The following GMFG variants were observed in gnomAD, a reference collection of about 807,000 sequenced individuals.
GMFG encodes glia maturation factor gamma.
In GMFG, 21 loss-of-function variants were observed where a neutral mutation model predicts 26.1. The observed-to-expected ratio is 0.80, with a 90% CI of 0.57 to 1.16. The LOEUF is 1.16. GMFG is among the 50% of genes most tolerant of loss of function. The probability of loss-of-function intolerance (pLI) is 0.00; values close to 1 mark genes in which losing one functional copy is unlikely to be tolerated. For synonymous variants in GMFG, 65 were observed against 60.8 expected, an observed-to-expected ratio of 1.07 and a Z score of -0.32; for missense variants, 161 against 178.3, an observed-to-expected ratio of 0.90 and a Z score of 0.55.
intron 4 of GMFG, among the ~76,000 whole-genome samples, chr19:39,331,380 C>G (rs533562932): frequency 6.6e-6 from 1 of 152,216 alleles, no homozygotes; most frequent in Admixed American, 6.5e-5. Flanking sequence ...TGACCGTTAA[C>G]CCCCATGTGT....
intron 5 of GMFG, 62 bp from the exon 6 acceptor site, chr19:39,329,135 A>G: frequency 1.7e-6 from 2 of 1,172,374 alleles, no homozygotes; most frequent in Non-Finnish European, 2.6e-6. Flanking sequence ...CTAAAGCTCT[A>G]GTAATGTCCT....
chr19:39,334,507 A>ATCC (rs1184785343), intron 3 of GMFG, among the ~76,000 whole-genome samples: 1 of 152,132 alleles, frequency 6.6e-6, no homozygotes, highest in African/African-American at 2.4e-5. Context: ...GGCTCAAGTG[A>ATCC]TCCTCCTGCC....
intron 4 of GMFG, among the ~76,000 whole-genome samples, chr19:39,330,593 T>C (rs1436288609): frequency 6.9e-6 from 1 of 145,334 alleles, no homozygotes; most frequent in African/African-American, 2.7e-5. Flanking sequence ...CATGCCCAGC[T>C]AATTTTTTTT....
intron 3 of GMFG, 36 bp from the exon 4 acceptor site, chr19:39,333,162 AG>A: frequency 6.9e-7 from 1 of 1,445,228 alleles, no homozygotes; most frequent in Non-Finnish European, 9.5e-7. Context: ...ACAAAGAATG[AG>A]GCAGGGCGCA....
rs775463657 is a variant in GMFG, at chr19:39,336,028, C to T, written c.-52G>A. On this transcript the variant is annotated 5_prime_UTR_variant, in exon 1 of 7. Coordinates refer to ENST00000597595, the MANE Select transcript of GMFG (RefSeq NM_004877.4). ...TTTCTTAGTTCCGCTGTCTTCTAGG[C>T]GTGGGGACCGGGGCTGTAGGGGGGC... 10 of 1,537,868 alleles carry T rather than the reference C, an allele frequency of 6.5e-6. No individual in the cohort carries two copies. The highest frequency in any genetic ancestry group is 5.0e-5 in the Admixed American group (3 of 59,748).
At position 39,329,044 on chromosome 19, in the gene GMFG, CA is replaced by C. The variant is rs756481613; in HGVS notation, c.312del (p.Tyr104Ter). On this transcript the variant is annotated frameshift_variant, in exon 6 of 7. Coordinates refer to ENST00000597595, the MANE Select transcript of GMFG (RefSeq NM_004877.4). LOFTEE classifies it high-confidence loss of function. ...TGCACCAGCCTGTTTTTACTCCCTG[CA>C]TACATCATCTGTTGTTCCGGCTTGC... is the stretch of plus-strand genomic sequence containing the variant. ...VGCKPEQQMM[Y>X]AGSKNRLVQT... 6.2e-7 allele frequency: 1 copy of C among 1,613,692 alleles called. No homozygotes were observed. Among genetic ancestry groups the C allele is most frequent in the Non-Finnish European group, 8.5e-7 (1 of 1,179,596 alleles).
At position 39,328,487 on chromosome 19, in the gene GMFG, A is replaced by C. The variant is rs2075212322; in HGVS notation, c.419T>G (p.Phe140Cys). 5.0e-6 allele frequency: 8 copies of C among 1,611,778 alleles called. No individual in the cohort carries two copies. Among genetic ancestry groups the C allele is most frequent in the Non-Finnish European group, 6.8e-6 (8 of 1,177,868 alleles). The change falls in exon 7 of 7, where the codon TTC (phenylalanine) becomes TGC (cysteine). Residue 140 changes from phenylalanine to cysteine, a missense_variant. Transcript: ENST00000597595. The stretch of plus-strand genomic sequence containing the variant: ...TCCCCAGCCCAGAGATCAACGAAAG[A>C]AAGACAACTTTTCTTGGAGCCAGGC... ...TEAWLQEKLS[F>C]FR
chr19:39,335,936 CAG>C, intron 1 of GMFG, 36 bp downstream of exon 1: 1 of 1,440,124 alleles, frequency 6.9e-7, no homozygotes, highest in Non-Finnish European at 9.8e-7. Flanking sequence ...GCCCCAACCC[CAG>C]CCCCAGCTCT....
chr19:39,334,390 C>G (rs765668597), intron 3 of GMFG, among the ~76,000 whole-genome samples: 1 of 152,030 alleles, frequency 6.6e-6, no homozygotes, highest in East Asian at 1.9e-4. Context: ...ACCTCAGCCT[C>G]CTGTGTAGCT....
At chr19:39,332,736 G>A (rs1446688552) in intron 4 of GMFG, among the ~76,000 whole-genome samples, 1 of 137,336 alleles carries the variant, frequency 7.3e-6, no homozygotes, top group Non-Finnish European at 1.5e-5. Flanking sequence ...TCAGCTCACT[G>A]CAGCCTCTGC....
At chr19:39,332,532 CAAAA>C in intron 4 of GMFG, among the ~76,000 whole-genome samples, 1 of 57,348 alleles carries the variant, frequency 1.7e-5, no homozygotes. Context: ...AAAGTTTGTA[CAAAA>C]AAAAAAAAAA....
At chr19:39,335,208 G>T in intron 3 of GMFG, 53 bp downstream of exon 3, 2 of 1,396,570 alleles carry the variant, frequency 1.4e-6, no homozygotes, top group Non-Finnish European at 2.0e-6. Flanking sequence ...CAACCACTTG[G>T]TTCTCCCAGT....
At chr19:39,328,728 AAGT>A (rs2145049330) in intron 6 of GMFG, 180 bp from the exon 7 acceptor site, 4 of 607,882 alleles carry the variant, frequency 6.6e-6, no homozygotes, top group East Asian at 5.6e-5. Flanking sequence ...AAAATACAAA[AAGT>A]AGCCAGGTGT....
intron 4 of GMFG, 71 bp from the exon 5 acceptor site, chr19:39,329,697 C>A: frequency 1.1e-6 from 1 of 950,982 alleles, no homozygotes; most frequent in Non-Finnish European, 1.7e-6. Flanking sequence ...TACCTGAGTC[C>A]ACAGCCTTGA....
At chr19:39,331,003 G>T (rs564470671) in intron 4 of GMFG, among the ~76,000 whole-genome samples, 4 of 152,184 alleles carry the variant, frequency 2.6e-5, no homozygotes, top group Non-Finnish European at 5.9e-5. Flanking sequence ...CTCCCAAAGT[G>T]CTGAGATTAC....
chr19:39,335,349 T>G, intron 2 of GMFG, 39 bp from the exon 3 acceptor site: 1 of 1,582,754 alleles, frequency 6.3e-7, no homozygotes, highest in Non-Finnish European at 8.6e-7. Flanking sequence ...ACACTCCCCC[T>G]GATCCATGGG....
intron 4 of GMFG, among the ~76,000 whole-genome samples, chr19:39,331,909 T>C (rs1255360134): frequency 6.6e-6 from 1 of 152,156 alleles, no homozygotes; most frequent in Admixed American, 6.5e-5. Context: ...TCACCCAGGC[T>C]GGAGTACAGG....
chr19:39,333,198 A>G, intron 3 of GMFG, 72 bp from the exon 4 acceptor site: 1 of 846,706 alleles, frequency 1.2e-6, no homozygotes, highest in Non-Finnish European at 1.8e-6. Flanking sequence ...TAATCCCAGC[A>G]CTTTGGGAGG....
chr19:39,335,368 G>A (rs1374438442), intron 2 of GMFG, 58 bp from the exon 3 acceptor site: 4 of 1,590,034 alleles, frequency 2.5e-6, no homozygotes, highest in Non-Finnish European at 3.5e-6. Context: ...GGGGACACAA[G>A]CCCAGCCCTC....
Sources: allele counts gnomAD v4.1 joint callset (sites outside exome capture counted in the v4.1 genomes callset), GRCh38; gene constraint gnomAD v4.1.1; transcripts MANE v1.5; gene names NCBI Gene and HGNC (gene_info 2026-07-23, HGNC 2026-07-21).